The following VCPIP1 variants were observed in gnomAD, a reference collection of about 807,000 sequenced individuals.
The protein encoded by VCPIP1 is deubiquitinating protein VCPIP1.
VCPIP1 carries 8 observed loss-of-function variants against 85.0 expected under a neutral mutation model. The observed-to-expected ratio is 0.09, with a 90% confidence interval of 0.06 to 0.17. The LOEUF (loss-of-function observed/expected upper bound fraction) is 0.17, where lower values mean the gene tolerates loss of function less well. Among genes scored for constraint, VCPIP1 ranks in the 10% least tolerant of loss-of-function variants. The probability of loss-of-function intolerance (pLI) is 1.00; values close to 1 mark genes in which losing one functional copy is unlikely to be tolerated. For missense variants in VCPIP1, 1,070 were observed against 1,486.3 expected (o/e 0.72, Z 4.61); for synonymous variants, 543 against 544.5 (o/e 1.00, Z 0.04).
Position 66,667,177 on chromosome 8 carries a change from AC to A in VCPIP1, c.-220del. On this transcript the variant is annotated 5_prime_UTR_variant, in exon 1 of 3. Transcript: ENST00000310421. ...AGCCGTTGCCCCGAACGTAACGGCC[AC>A]CACCCCACCCCGCACTCACACTCAC... 2 of 950,210 alleles carry A rather than the reference AC, an allele frequency of 2.1e-6. No individual in the cohort carries two copies. Among genetic ancestry groups the A allele is most frequent in the Non-Finnish European group, 2.9e-6 (2 of 679,246 alleles). 58.9% of individuals were successfully genotyped at this position (950,210 alleles called of 1,614,324 possible).
rs1563564438 is a variant in VCPIP1, at chr8:66,630,693, A to G, written c.*3808T>C. Reference sequence around the variant, plus strand: ...AAATGTCAGATATACAAGTAATGGCATTTTCTCCAATAATTCATAATTTTT... The same window carrying G: ...AAATGTCAGATATACAAGTAATGGCGTTTTCTCCAATAATTCATAATTTTT... On this transcript the variant is annotated 3_prime_UTR_variant, in exon 3 of 3. Transcript: ENST00000310421. The G allele has an allele frequency of 6.6e-6, 1 of 152,574 alleles. No individual in the cohort carries two copies. The highest frequency in any genetic ancestry group is 2.4e-5 in the African/African-American group (1 of 41,448). 9.5% of individuals were successfully genotyped at this position (152,574 alleles called of 1,614,324 possible). A position where few individuals can be genotyped will look rare whatever the true frequency, so the allele number is the denominator to read the frequency against.
In VCPIP1 at chr8:66,633,114, AATC is replaced by A. The variant is rs2130140006; in HGVS notation, c.*1384_*1386del. 1 of 152,674 alleles carries A rather than the reference AATC, an allele frequency of 6.5e-6. No individual in the cohort carries two copies. The highest frequency in any genetic ancestry group is 2.1e-4 in the South Asian group (1 of 4,832). 9.5% of individuals were successfully genotyped at this position (152,674 alleles called of 1,614,324 possible). A position where few individuals can be genotyped will look rare whatever the true frequency, so the allele number is the denominator to read the frequency against. On this transcript the variant is annotated 3_prime_UTR_variant, in exon 3 of 3. Coordinates refer to ENST00000310421, the MANE Select transcript of VCPIP1 (RefSeq NM_025054.5). ...TAAAGTACTGTCTATATCCCTTATG[AATC>A]AACAGGCAGAGATTTTTAAACATCT...
rs1001987131 is a variant in VCPIP1, at chr8:66,634,427, C to G, written c.*74G>C. On this transcript the variant is annotated 3_prime_UTR_variant, in exon 3 of 3. Coordinates refer to ENST00000310421, the MANE Select transcript of VCPIP1 (RefSeq NM_025054.5). ...ACGTACAAGATTTTTAATGACTAAT[C>G]AAGTTACGTGGCCCAGCCAACAAAT... The G allele has an allele frequency of 1.0e-5, 15 of 1,484,230 alleles. No homozygotes were observed. The highest frequency in any genetic ancestry group is 1.8e-4 in the Middle Eastern group (1 of 5,546). 91.9% of individuals were successfully genotyped at this position (1,484,230 alleles called of 1,614,324 possible). A position where few individuals can be genotyped will look rare whatever the true frequency, so the allele number is the denominator to read the frequency against.
intron 2 of VCPIP1, among the ~76,000 whole-genome samples, chr8:66,641,889 A>T (rs1810951849): frequency 6.6e-6 from 1 of 152,220 alleles, no homozygotes; most frequent in African/African-American, 2.4e-5. Context: ...TGAATAATGC[A>T]CCTATGAACA....
Position 66,652,115 on chromosome 8 carries a change from C to CG in VCPIP1, c.2711-572dup, listed in dbSNP as rs1337903165. On this transcript the variant is annotated intron_variant, in intron 1 of 2. Coordinates refer to ENST00000310421, the MANE Select transcript of VCPIP1 (RefSeq NM_025054.5). ...GTGGCTGGGGGGAACCCCTTGTGCA[C>CG]GGGAGGTGAAGGCTGCAGGGAGCAG... Among the ~76,000 whole-genome samples the CG allele has an allele frequency of 2.0e-5, 3 of 151,724 alleles. No homozygotes were observed. The East Asian group carries it at 5.8e-4, about 29-fold the overall frequency.
At chr8:66,653,756 C>A (rs1421031035) in intron 1 of VCPIP1, among the ~76,000 whole-genome samples, 1 of 152,156 alleles carries the variant, frequency 6.6e-6, no homozygotes, top group East Asian at 1.9e-4. Flanking sequence ...ATTATCTCCC[C>A]CTAAGGAGCC....
Position 66,634,924 on chromosome 8 carries a change from A to G in VCPIP1, c.3246T>C (p.Ile1082=), listed in dbSNP as rs1810869543. 2 of 1,613,538 alleles carry G rather than the reference A, an allele frequency of 1.2e-6. No individual in the cohort carries two copies. The highest frequency in any genetic ancestry group is 3.3e-5 in the Admixed American group (2 of 59,928). ...FTASSSNSEL[I]RIAPGVVTMR... Reference sequence around the variant, plus strand: ...TTGTTACTACTCCAGGAGCTATTCGAATAAGCTCACTATTACTAGAAGAAG... The same window carrying G: ...TTGTTACTACTCCAGGAGCTATTCGGATAAGCTCACTATTACTAGAAGAAG... The change falls in exon 3 of 3, where the codon ATT becomes ATC. Residue 1082 remains isoleucine (I), a synonymous_variant. Coordinates refer to ENST00000310421, the MANE Select transcript of VCPIP1 (RefSeq NM_025054.5).
rs1452297397 is a variant in VCPIP1, at chr8:66,632,336, T to C, written c.*2165A>G. 10 of 152,122 alleles carry C rather than the reference T, an allele frequency of 6.6e-5. No homozygotes were observed. The highest frequency in any genetic ancestry group is 6.2e-4 in the South Asian group (3 of 4,828). The allele number at this position is 152,122 out of a possible 1,614,324, so 9.4% of individuals were successfully genotyped here. On this transcript the variant is annotated 3_prime_UTR_variant, in exon 3 of 3. Transcript: ENST00000310421. ...CTGATTTGAAAGAATTTCAAGAAATTTGATCACTTATCAGAATTGAGCCTT... is the reference window on the plus strand; with the variant it reads ...CTGATTTGAAAGAATTTCAAGAAATCTGATCACTTATCAGAATTGAGCCTT...
intron 2 of VCPIP1, among the ~76,000 whole-genome samples, chr8:66,641,802 C>T (rs2130153825): frequency 6.6e-6 from 1 of 152,318 alleles, no homozygotes; most frequent in East Asian, 1.9e-4. Flanking sequence ...TAATATTTCA[C>T]TGTATGGCTA....
At chr8:66,657,709 C>T (rs915968547) in intron 1 of VCPIP1, among the ~76,000 whole-genome samples, 7 of 151,960 alleles carry the variant, frequency 4.6e-5, no homozygotes, top group Admixed American at 1.3e-4. Flanking sequence ...CTGGGGAGTA[C>T]AAATGTTAAG....
chr8:66,659,619 A>G (rs894196555), intron 1 of VCPIP1, among the ~76,000 whole-genome samples: 1 of 152,132 alleles, frequency 6.6e-6, no homozygotes, highest in African/African-American at 2.4e-5. Context: ...CCTGGCTATC[A>G]TGCAGTCAGC....
At chr8:66,661,041 CAAA>C (rs1038408311) in intron 1 of VCPIP1, among the ~76,000 whole-genome samples, 2 of 147,648 alleles carry the variant, frequency 1.4e-5, no homozygotes, top group African/African-American at 5.0e-5. Flanking sequence ...GACTCTGTCT[CAAA>C]AAAAAAATCT....
At chr8:66,656,605 TATTC>T (rs1811102963) in intron 1 of VCPIP1, among the ~76,000 whole-genome samples, 1 of 152,152 alleles carries the variant, frequency 6.6e-6, no homozygotes, top group African/African-American at 2.4e-5. Context: ...TTTATTTATT[TATTC>T]ATTTATTTAT....
chr8:66,651,514 A>C lies in VCPIP1; in HGVS notation c.2741T>G (p.Leu914Arg), dbSNP rs202167935. Reference sequence around the variant, plus strand: ...ACCACCCTGCTGAAACATGTGAGGAAGTCCCTTTGCATAAGACCATACATC... The same window carrying C: ...ACCACCCTGCTGAAACATGTGAGGACGTCCCTTTGCATAAGACCATACATC... Reference protein sequence around the residue: ...GEDVWSYAKGLPHMFQQGGVF... With the variant: ...GEDVWSYAKGRPHMFQQGGVF... Residue 914 changes from leucine (L) to arginine (R), a missense_variant, in exon 2 of 3, where the codon CTT becomes CGT. Transcript: ENST00000310421. The C allele has an allele frequency of 3.7e-6, 6 of 1,613,560 alleles. No individual in the cohort carries two copies. Among genetic ancestry groups the C allele is most frequent in the Non-Finnish European group, 4.2e-6 (5 of 1,179,870 alleles).
intron 2 of VCPIP1, among the ~76,000 whole-genome samples, chr8:66,638,505 C>T (rs925629418): frequency 6.5e-5 from 9 of 138,972 alleles, no homozygotes; most frequent in South Asian, 2.3e-4. Context: ...AAAGGCCAGG[C>T]GCGGTGGCTC....
At chr8:66,638,132 G>A (rs1385733094) in intron 2 of VCPIP1, among the ~76,000 whole-genome samples, 2 of 152,268 alleles carry the variant, frequency 1.3e-5, no homozygotes, top group Non-Finnish European at 1.5e-5. Flanking sequence ...ATACTATGCA[G>A]CAGTGAAAAT....
rs1262483182 is a variant in VCPIP1 at position 66,630,847 on chromosome 8, T to C, written c.*3654A>G. On this transcript the variant is annotated 3_prime_UTR_variant, in exon 3 of 3. Transcript: ENST00000310421. ...AGAACTTGTAATTAACTCTATAACT[T>C]ACATGGGTGATATAGTTCCCCTTTG... 6.6e-6 allele frequency: 1 copy of C among 152,590 alleles called. No homozygotes were observed. Among genetic ancestry groups the C allele is most frequent in the East Asian group, 1.9e-4 (1 of 5,206 alleles). The allele number at this position is 152,590 out of a possible 1,614,324, so 9.5% of individuals were successfully genotyped here. A position where few individuals can be genotyped will look rare whatever the true frequency, so the allele number is the denominator to read the frequency against.
At position 66,667,012 on chromosome 8, in the gene VCPIP1, T is replaced by G; in HGVS notation, c.-54A>C. On this transcript the variant is annotated 5_prime_UTR_variant, in exon 1 of 3. An upstream start codon of the reference 5' UTR is lost. Transcript: ENST00000310421. ...GTCCCAGGCGACCCTCAAAAGCTCA[T>G]AGCCCAGACCCCCACCAACCCGACT... 6.8e-7 allele frequency: 1 copy of G among 1,461,742 alleles called. No homozygotes were observed. Among genetic ancestry groups the G allele is most frequent in the East Asian group, 2.5e-5 (1 of 40,760 alleles). 90.5% of individuals were successfully genotyped at this position (1,461,742 alleles called of 1,614,324 possible).
intron 2 of VCPIP1, among the ~76,000 whole-genome samples, chr8:66,638,970 C>CTCTCTCTCTATATATATATATATATATA: frequency 5.9e-5 from 7 of 118,432 alleles, no homozygotes; most frequent in African/African-American, 1.9e-4. Context: ...CTCTCTCTCT[C>CTCTCTCTCTATATATATATATATATATA]TATATATATA....
Sources: gnomAD v4.1 joint callset for allele counts (sites outside exome capture counted in the v4.1 genomes callset) on GRCh38, gnomAD v4.1.1 for gene constraint, MANE v1.5 for transcripts, NCBI Gene and HGNC (gene_info 2026-07-23, HGNC 2026-07-21) for gene names.